The following RBFOX1 variants were observed in gnomAD, a reference collection of about 807,000 sequenced individuals.
RBFOX1 encodes RNA binding protein fox-1 homolog 1.
In RBFOX1, 8 loss-of-function variants were observed where a neutral mutation model predicts 57.7. That is an observed-to-expected ratio of 0.14 (90% CI 0.08 to 0.25). The LOEUF (loss-of-function observed/expected upper bound fraction) is 0.25. Ranked by LOEUF, RBFOX1 falls within the 10% of genes least tolerant of loss-of-function variation. RBFOX1 has a pLI of 1.00. For missense variants in RBFOX1, 611 were observed against 548.5 expected (o/e 1.11, Z -1.14); for synonymous variants, 326 against 222.4 (o/e 1.47, Z -4.15).
intron 1 of RBFOX1, among the ~76,000 whole-genome samples, chr16:5,280,558 G>C (rs1481031066): frequency 6.6e-6 from 1 of 152,138 alleles, no homozygotes; most frequent in African/African-American, 2.4e-5. Context: ...TAAAAGCTTA[G>C]TTTAGGGCTT....
intron 2 of RBFOX1, among the ~76,000 whole-genome samples, chr16:5,521,376 T>G (rs1597384602): frequency 1.0e-4 from 14 of 140,380 alleles, no homozygotes; most frequent in African/African-American, 1.1e-4. Flanking sequence ...GGTGGGGGGG[T>G]GGAAAAAGAA....
intron 2 of RBFOX1, among the ~76,000 whole-genome samples, chr16:5,553,137 T>G (rs2045528744): frequency 6.6e-6 from 1 of 151,960 alleles, no homozygotes; most frequent in African/African-American, 2.4e-5. Context: ...TGTCGAGGGG[T>G]GACGGGCTGG....
At chr16:7,456,826 G>A (rs1567264589) in intron 4 of RBFOX1, among the ~76,000 whole-genome samples, 1 of 152,098 alleles carries the variant, frequency 6.6e-6, no homozygotes, top group Non-Finnish European at 1.5e-5. Flanking sequence ...GAGCCCTGGA[G>A]CAGGGCTGTA....
At chr16:5,446,685 C>A (rs2068249378) in intron 1 of RBFOX1, among the ~76,000 whole-genome samples, 1 of 151,930 alleles carries the variant, frequency 6.6e-6, no homozygotes, top group Admixed American at 6.6e-5. Context: ...TCCAGAAGAC[C>A]CTGTAGGAAG....
intron 2 of RBFOX1, among the ~76,000 whole-genome samples, chr16:5,543,889 A>G (rs1416475126): frequency 6.6e-6 from 1 of 152,248 alleles, no homozygotes; most frequent in Non-Finnish European, 1.5e-5. Flanking sequence ...AAACAACAAA[A>G]CAAAAATAAA....
At chr16:6,416,348 A>T in intron 2 of RBFOX1, among the ~76,000 whole-genome samples, 1 of 152,182 alleles carries the variant, frequency 6.6e-6, no homozygotes, top group Non-Finnish European at 1.5e-5. Flanking sequence ...TTATCAAAAT[A>T]TCTATTCTTA....
chr16:5,868,842 C>T (rs1395804099), intron 4 of RBFOX1, among the ~76,000 whole-genome samples: 1 of 152,176 alleles, frequency 6.6e-6, no homozygotes, highest in Non-Finnish European at 1.5e-5. Context: ...CTGTCGAGAG[C>T]ATTAAAATGG....
intron 1 of RBFOX1, among the ~76,000 whole-genome samples, chr16:6,296,268 A>G (rs1339420862): frequency 1.3e-5 from 2 of 152,156 alleles, no homozygotes; most frequent in East Asian, 3.9e-4. Flanking sequence ...AAGAAAGGGG[A>G]TAAACATTTG....
At chr16:6,846,613 C>T (rs1006161526) in intron 3 of RBFOX1, among the ~76,000 whole-genome samples, 1 of 152,176 alleles carries the variant, frequency 6.6e-6, no homozygotes, top group Non-Finnish European at 1.5e-5. Context: ...AAGACCTTTG[C>T]CCCTATGAAT....
At chr16:5,749,315 A>C (rs571698574) in intron 3 of RBFOX1, among the ~76,000 whole-genome samples, 1 of 152,016 alleles carries the variant, frequency 6.6e-6, no homozygotes, top group Non-Finnish European at 1.5e-5. Context: ...CTTCATTTCA[A>C]CTTCGGTGAA....
intron 4 of RBFOX1, among the ~76,000 whole-genome samples, chr16:7,246,450 A>G (rs908209329): frequency 6.6e-6 from 1 of 152,122 alleles, no homozygotes; most frequent in Non-Finnish European, 1.5e-5. Context: ...TGAAAGCAGA[A>G]TTAAATCAAA....
chr16:6,967,592 A>C (rs923825477), intron 3 of RBFOX1, among the ~76,000 whole-genome samples: 3 of 152,034 alleles, frequency 2.0e-5, no homozygotes, highest in Admixed American at 1.3e-4. Flanking sequence ...CAGCTTCTCT[A>C]GTTCACCCTG....
chr16:7,007,248 C>A (rs773593742), intron 3 of RBFOX1, among the ~76,000 whole-genome samples: 1 of 152,272 alleles, frequency 6.6e-6, no homozygotes, highest in Non-Finnish European at 1.5e-5. Flanking sequence ...ATCCTGGGAG[C>A]TTTTTACGTC....
intron 4 of RBFOX1, among the ~76,000 whole-genome samples, chr16:7,437,930 G>A (rs1333113447): frequency 2.6e-5 from 4 of 151,114 alleles, no homozygotes; most frequent in Non-Finnish European, 5.9e-5. Flanking sequence ...AGCACACCGC[G>A]ATCATCAATT....
chr16:6,842,810 C>A (rs1469537141), intron 3 of RBFOX1, among the ~76,000 whole-genome samples: 1 of 151,938 alleles, frequency 6.6e-6, no homozygotes, highest in Non-Finnish European at 1.5e-5. Flanking sequence ...TCCTAATGCT[C>A]TCCCTCCATG....
chr16:6,434,681 A>T (rs1395031201), intron 2 of RBFOX1, among the ~76,000 whole-genome samples: 1 of 152,224 alleles, frequency 6.6e-6, no homozygotes, highest in East Asian at 1.9e-4. Flanking sequence ...ACATCTTCTC[A>T]GGTCATCCTT....
intron 14 of RBFOX1, among the ~76,000 whole-genome samples, chr16:7,703,272 G>A (rs537706601): frequency 1.3e-5 from 2 of 152,208 alleles, no homozygotes; most frequent in African/African-American, 4.8e-5. Context: ...GATCCCTGGT[G>A]AGACATCCCA....
chr16:6,993,863 C>A (rs1359002073), intron 3 of RBFOX1, among the ~76,000 whole-genome samples: 1 of 152,170 alleles, frequency 6.6e-6, no homozygotes, highest in Non-Finnish European at 1.5e-5. Context: ...AATACCACCT[C>A]TTCCCCGAAC....
At chr16:6,991,019 T>G (rs2091335444) in intron 3 of RBFOX1, among the ~76,000 whole-genome samples, 1 of 151,654 alleles carries the variant, frequency 6.6e-6, no homozygotes, top group Non-Finnish European at 1.5e-5. Context: ...TGGCTATTTC[T>G]GGCCAGGCGT....
Sources: gnomAD v4.1 joint callset for allele counts (sites outside exome capture counted in the v4.1 genomes callset) on GRCh38, gnomAD v4.1.1 for gene constraint, MANE v1.5 for transcripts, NCBI Gene and HGNC (gene_info 2026-07-23, HGNC 2026-07-21) for gene names.